The following GAS2 variants were observed in gnomAD, a reference collection of about 807,000 sequenced individuals.
The protein encoded by GAS2 is growth arrest-specific protein 2.
A neutral mutation model predicts 37.5 loss-of-function variants in GAS2; 20 were observed. The ratio of observed to expected loss-of-function variants is 0.53; its 90% confidence interval spans 0.37 to 0.77. The LOEUF (loss-of-function observed/expected upper bound fraction) is 0.77. Among genes scored for constraint, GAS2 ranks in the 30% least tolerant of loss-of-function variants. The probability of loss-of-function intolerance (pLI) is 0.00; values close to 1 mark genes in which losing one functional copy is unlikely to be tolerated. For missense variants in GAS2, 336 were observed against 373.4 expected (o/e 0.90, Z 0.82); for synonymous variants, 144 against 132.2 (o/e 1.09, Z -0.61).
intron 7 of GAS2, among the ~76,000 whole-genome samples, chr11:22,792,212 T>C (rs915997674): frequency 2.6e-5 from 4 of 152,148 alleles, no homozygotes; most frequent in Non-Finnish European, 5.9e-5. Context: ...AGAAAGTAGT[T>C]CTAGTATGCC....
chr11:22,736,739 C>A (rs1027803966), intron 4 of GAS2, among the ~76,000 whole-genome samples: 2 of 152,046 alleles, frequency 1.3e-5, no homozygotes, highest in Admixed American at 1.3e-4. Context: ...TTCTTAAAAT[C>A]TATCAATAAA....
chr11:22,698,193 A>C (rs1188355181), intron 3 of GAS2, among the ~76,000 whole-genome samples: 4 of 152,226 alleles, frequency 2.6e-5, no homozygotes, highest in African/African-American at 7.2e-5. Flanking sequence ...GGATATCACC[A>C]CCCATCCCAC....
intron 7 of GAS2, among the ~76,000 whole-genome samples, chr11:22,789,321 C>A (rs1246322534): frequency 7.5e-5 from 10 of 133,688 alleles, no homozygotes; most frequent in Middle Eastern, 3.6e-3. Context: ...CACACACACA[C>A]ACACACACAC....
chr11:22,779,868 A>G (rs187704966), intron 7 of GAS2, among the ~76,000 whole-genome samples: 26 of 152,194 alleles, frequency 1.7e-4, no homozygotes, highest in African/African-American at 4.6e-4. Flanking sequence ...TTCCTCCCCA[A>G]ATTAGGCCAC....
intron 7 of GAS2, among the ~76,000 whole-genome samples, chr11:22,806,902 A>G (rs561855469): frequency 6.6e-6 from 1 of 152,290 alleles, no homozygotes; most frequent in East Asian, 1.9e-4. Context: ...AAGGTAATGG[A>G]TTCCACAATT....
chr11:22,726,886 G>T lies in GAS2; in HGVS notation c.409+453G>T, dbSNP rs374144159. ...ACCATAAGCTCTACCTTTATTGAAC[G>T]TACAGATTACTCATTCATTTATTTA... On this transcript the variant is annotated intron_variant, in intron 4 of 7. Coordinates refer to ENST00000454584, the MANE Select transcript of GAS2 (RefSeq NM_001143830.3). 1.9e-4 allele frequency among the ~76,000 whole-genome samples: 29 copies of T among 152,142 alleles called. No individual in the cohort carries two copies. The East Asian group carries it at 4.6e-3, about 24-fold the overall frequency.
At chr11:22,659,563 GT>G in intron 1 of GAS2, among the ~76,000 whole-genome samples, 1 of 152,218 alleles carries the variant, frequency 6.6e-6, no homozygotes, top group Middle Eastern at 3.4e-3. Flanking sequence ...CTTTTCATGA[GT>G]TCCTTCTCAT....
chr11:22,674,087 C>T (rs895228063), intron 1 of GAS2, among the ~76,000 whole-genome samples: 1 of 152,108 alleles, frequency 6.6e-6, no homozygotes, highest in Non-Finnish European at 1.5e-5. Context: ...TTGGCTATTC[C>T]ATTTTGTAAA....
intron 5 of GAS2, among the ~76,000 whole-genome samples, chr11:22,745,036 T>C (rs1344157455): frequency 6.9e-6 from 1 of 144,718 alleles, no homozygotes; most frequent in Non-Finnish European, 1.5e-5. Context: ...AAGCAATCTA[T>C]AAATTCCACA....
intron 1 of GAS2, among the ~76,000 whole-genome samples, chr11:22,629,218 T>A (rs182842100): frequency 6.6e-6 from 1 of 152,200 alleles, no homozygotes; most frequent in East Asian, 1.9e-4. Context: ...AATGTAGCTC[T>A]ACATTTAGTT....
At chr11:22,736,527 C>T (rs1350400633) in intron 4 of GAS2, among the ~76,000 whole-genome samples, 1 of 152,004 alleles carries the variant, frequency 6.6e-6, no homozygotes, top group Non-Finnish European at 1.5e-5. Context: ...TGAAATCACA[C>T]ACTTTTACAA....
chr11:22,662,379 A>G (rs375789649), upstream of GAS2, among the ~76,000 whole-genome samples: 2 of 152,232 alleles, frequency 1.3e-5, no homozygotes, highest in Non-Finnish European at 2.9e-5. Flanking sequence ...ATTAGAGACA[A>G]TATATAAAGA....
intron 7 of GAS2, among the ~76,000 whole-genome samples, chr11:22,764,853 C>T (rs79059613): frequency 0.011 from 1,689 of 152,284 alleles, 27 homozygotes; most frequent in African/African-American, 0.037. Context: ...ATAGTGTCTA[C>T]CTTCACTTGA....
intron 5 of GAS2, among the ~76,000 whole-genome samples, chr11:22,744,223 A>G (rs1336175555): frequency 1.3e-5 from 2 of 152,086 alleles, no homozygotes; most frequent in Admixed American, 1.3e-4. Flanking sequence ...CAGACATACA[A>G]AGAAGAGCTG....
chr11:22,803,431 A>G (rs971097008), intron 7 of GAS2, among the ~76,000 whole-genome samples: 4 of 152,178 alleles, frequency 2.6e-5, no homozygotes, highest in African/African-American at 9.7e-5. Context: ...TACTTCTGAT[A>G]TTAGTGATAT....
rs142493870 is a variant in GAS2, at chr11:22,777,125, ATCTC to A, written c.723+21176_723+21179del. On this transcript the variant is annotated intron_variant, in intron 7 of 7. Coordinates refer to ENST00000454584, the MANE Select transcript of GAS2 (RefSeq NM_001143830.3). ...GAGGCGTACTTGTGAATCTCAAGTG[ATCTC>A]TCTAAGATTTGTAAGACGAGTTGTT... 8.9e-3 allele frequency among the ~76,000 whole-genome samples: 1,363 copies of A among 152,298 alleles called. 20 individuals carry two copies. The highest frequency in any genetic ancestry group is 0.028 in the African/African-American group (1,164 of 41,580).
chr11:22,706,327 GT>G (rs201529420), intron 3 of GAS2, among the ~76,000 whole-genome samples: 17,320 of 147,012 alleles, frequency 0.12, 1,490 homozygotes, highest in East Asian at 0.28. Context: ...GAAGTAGACG[GT>G]TTTTTTTTTT....
intron 7 of GAS2, among the ~76,000 whole-genome samples, chr11:22,765,510 T>A (rs192903041): frequency 6.6e-6 from 1 of 152,314 alleles, no homozygotes; most frequent in Admixed American, 6.5e-5. Flanking sequence ...CCGGGGGCAG[T>A]GGCTCATGCC....
At chr11:22,784,997 T>C (rs1855754465) in intron 7 of GAS2, among the ~76,000 whole-genome samples, 1 of 152,106 alleles carries the variant, frequency 6.6e-6, no homozygotes, top group South Asian at 2.1e-4. Flanking sequence ...ACACCTTCAG[T>C]CTTAGAGGAC....
Sources: allele counts gnomAD v4.1 joint callset (sites outside exome capture counted in the v4.1 genomes callset), GRCh38; gene constraint gnomAD v4.1.1; transcripts MANE v1.5; gene names NCBI Gene and HGNC (gene_info 2026-07-23, HGNC 2026-07-21).